XKRX: variants seen among roughly 807,000 people sequenced by gnomAD.
XKRX encodes XK related X-linked.
Under a neutral mutation model 22.4 loss-of-function variants are expected in XKRX, and 11 were observed. That is an observed-to-expected ratio of 0.49 (90% CI 0.31 to 0.81). The LOEUF is 0.81. Ranked by LOEUF, XKRX falls within the 40% of genes least tolerant of loss-of-function variation. The pLI, the probability that XKRX is intolerant of heterozygous loss-of-function variation, is 0.05. For missense variants in XKRX, 320 were observed against 336.5 expected, an observed-to-expected ratio of 0.95 and a Z score of 0.38; for synonymous variants, 114 against 132.2, an observed-to-expected ratio of 0.86 and a Z score of 0.94.
chrX:100,888,094 G>T, the XKRX span: 1 of 1,163,265 alleles, frequency 8.6e-7, no homozygotes, highest in Non-Finnish European at 1.2e-6. Flanking sequence ...TTCACAGTAT[G>T]GTATTTCGGA....
chrX:100,941,450 G>A, the XKRX span, among the ~76,000 whole-genome samples: 25 of 111,580 alleles, frequency 2.2e-4, no homozygotes, highest in African/African-American at 7.8e-4. Context: ...CTGGGAGGCT[G>A]AGGCAGGAGA....
chrX:100,919,657 C>A (rs1291555196), intron 2 of XKRX, among the ~76,000 whole-genome samples: 3 of 111,675 alleles, frequency 2.7e-5, no homozygotes, highest in African/African-American at 9.7e-5. Flanking sequence ...AGATGCTCAG[C>A]TTCATTCATA....
chrX:100,934,351 C>T (rs541406971), upstream of XKRX, among the ~76,000 whole-genome samples: 3 of 111,580 alleles, frequency 2.7e-5, no homozygotes, highest in South Asian at 3.8e-4. Context: ...TTGGGGCAGG[C>T]TGGCAGGCTG....
the XKRX span, among the ~76,000 whole-genome samples, chrX:100,947,881 G>A: frequency 1.8e-5 from 2 of 110,804 alleles, no homozygotes; most frequent in Non-Finnish European, 3.8e-5. Context: ...ATATTCAAAT[G>A]TATTTCAACT....
the XKRX span, among the ~76,000 whole-genome samples, chrX:100,904,717 G>C: frequency 1.8e-5 from 2 of 111,629 alleles, no homozygotes; most frequent in Non-Finnish European, 3.8e-5. Flanking sequence ...TGATACCTGG[G>C]GGTTGAGGCT....
At chrX:100,931,267 A>C (rs367567831), upstream of XKRX, among the ~76,000 whole-genome samples, 1 of 110,908 alleles carries the variant, frequency 9.0e-6, no homozygotes, top group East Asian at 2.8e-4. Context: ...CCCCAAATAC[A>C]AAAATTTACA....
Position 100,922,801 on chromosome X carries a change from A to C in XKRX, c.596T>G (p.Leu199Arg). The C allele has an allele frequency of 1.7e-6, 2 of 1,210,384 alleles. No individual in the cohort carries two copies. The highest frequency in any genetic ancestry group is 2.2e-6 in the Non-Finnish European group (2 of 894,587). Residue 199 changes from leucine (L) to arginine (R), a missense_variant, in exon 2 of 3, where the codon CTG (leucine) becomes CGG (arginine). Coordinates refer to ENST00000372956, the MANE Select transcript of XKRX (RefSeq NM_212559.3). The part of the protein sequence containing the change: ...YVSLISAEVP[L>R]GRVVLMVFSL... ...CTCCTGACCCCACTCACCTCTACCC[A>C]GGGGAACCTCTGCAGAGATCAGGCT...
upstream of XKRX, among the ~76,000 whole-genome samples, chrX:100,930,630 A>G (rs2085518540): frequency 9.0e-6 from 1 of 111,132 alleles, no homozygotes; most frequent in Admixed American, 9.6e-5. Context: ...CCATTTCATG[A>G]AGGAGGTCAA....
Position 100,921,824 on chromosome X carries a change from CTTTTTTTT to C in XKRX, c.604+961_604+968del, listed in dbSNP as rs769704465. Among the ~76,000 whole-genome samples the C allele has an allele frequency of 1.6e-4, 9 of 56,341 alleles. No homozygotes were observed. In the East Asian group the frequency reaches 3.1e-3, roughly 20 times the overall value. 48.9% of individuals were successfully genotyped at this position (56,341 alleles called of 115,157 possible). A position where few individuals can be genotyped will look rare whatever the true frequency, so the allele number is the denominator to read the frequency against. ...GACTCTCATTAGTATTAACCCCACG[CTTTTTTTT>C]TTTTTTTTTTTTTTTTTTTGAGACG... is the stretch of plus-strand genomic sequence containing the variant. On this transcript the variant is annotated intron_variant, in intron 2 of 2. Transcript: ENST00000372956.
chrX:100,952,727 G>C, the XKRX span, among the ~76,000 whole-genome samples: 2 of 112,077 alleles, frequency 1.8e-5, no homozygotes, highest in East Asian at 5.6e-4. Context: ...AATCTCAAAA[G>C]ATTCCATTTA....
the XKRX span, among the ~76,000 whole-genome samples, chrX:100,900,882 C>T: frequency 3.1e-4 from 33 of 106,399 alleles, no homozygotes; most frequent in East Asian, 1.2e-3. Flanking sequence ...CTCTGCCTCC[C>T]GGGTTCACGC....
the XKRX span, among the ~76,000 whole-genome samples, chrX:100,937,670 A>G: frequency 8.9e-6 from 1 of 112,189 alleles, no homozygotes; most frequent in Non-Finnish European, 1.9e-5. Flanking sequence ...GCCAGAGTTA[A>G]GGTCAACTTC....
At chrX:100,939,079 A>G in the XKRX span, among the ~76,000 whole-genome samples, 2 of 111,730 alleles carry the variant, frequency 1.8e-5, no homozygotes, top group African/African-American at 6.5e-5. Flanking sequence ...GGTGCAGGAT[A>G]TCATTTATGG....
At chrX:100,900,747 G>A in the XKRX span, among the ~76,000 whole-genome samples, 1 of 107,973 alleles carries the variant, frequency 9.3e-6, no homozygotes, top group East Asian at 2.9e-4. Flanking sequence ...GAGAATGTAG[G>A]ACCTCTGGCC....
At chrX:100,921,967 A>G (rs755391531) in intron 2 of XKRX, among the ~76,000 whole-genome samples, 41 of 106,101 alleles carry the variant, frequency 3.9e-4, no homozygotes, top group Admixed American at 7.3e-4. Context: ...CCGAGTAGCT[A>G]GGACTACAGG....
intron 2 of XKRX, among the ~76,000 whole-genome samples, chrX:100,915,355 A>C (rs770705815): frequency 9.0e-6 from 1 of 110,774 alleles, no homozygotes; most frequent in East Asian, 2.9e-4. Context: ...CCACAATGAG[A>C]TATCACCTCA....
At chrX:100,907,986 C>T in the XKRX span, among the ~76,000 whole-genome samples, 3 of 111,734 alleles carry the variant, frequency 2.7e-5, no homozygotes, top group Non-Finnish European at 5.6e-5. Flanking sequence ...TAAAACAATG[C>T]AAATCCATAT....
the XKRX span, among the ~76,000 whole-genome samples, chrX:100,951,182 C>T: frequency 9.6e-4 from 89 of 92,840 alleles, no homozygotes; most frequent in Non-Finnish European, 1.6e-3. Context: ...TGCAGTGAGC[C>T]GAGATCGCAT....
chrX:100,955,426 A>G, the XKRX span, among the ~76,000 whole-genome samples: 1 of 112,225 alleles, frequency 8.9e-6, no homozygotes, highest in Non-Finnish European at 1.9e-5. Flanking sequence ...TACTCCCAGC[A>G]CTTTGAGAGG....
Sources: gnomAD v4.1 joint callset for allele counts (sites outside exome capture counted in the v4.1 genomes callset) on GRCh38, gnomAD v4.1.1 for gene constraint, MANE v1.5 for transcripts, NCBI Gene and HGNC (gene_info 2026-07-23, HGNC 2026-07-21) for gene names.